TAS2R1: variants seen among roughly 807,000 people sequenced by gnomAD.
The protein encoded by TAS2R1 is taste 2 receptor member 1, also known as taste receptor type 2 member 1.
For synonymous variants in TAS2R1, 141 were observed against 134.2 expected, an observed-to-expected ratio of 1.05 and a Z score of -0.35; for missense variants, 370 against 353.4, an observed-to-expected ratio of 1.05 and a Z score of -0.38.
chr5:9,861,888 C>A, the TAS2R1 span, among the ~76,000 whole-genome samples: 1 of 152,188 alleles, frequency 6.6e-6, no homozygotes, highest in African/African-American at 2.4e-5. Context: ...GGCAGCCAGG[C>A]ATGAGGGGTC....
rs749900585 is a variant in TAS2R1, at chr5:9,629,666, A to G, written c.367T>C (p.Ser123Pro). The G allele has an allele frequency of 4.3e-6, 7 of 1,614,076 alleles. No individual in the cohort carries two copies. The highest frequency in any genetic ancestry group is 5.9e-6 in the Non-Finnish European group (7 of 1,180,048). Residue 123 changes from serine (S) to proline (P), a missense_variant, in exon 1 of 1, where the codon TCC (serine) becomes CCC (proline). Coordinates refer to ENST00000382492, the MANE Select transcript of TAS2R1 (RefSeq NM_019599.3). ...AGGATCATCCATGGGACCAGCTTGG[A>G]TATCCTCATCTTCAACCAGATGAAG... is the stretch of plus-strand genomic sequence containing the variant. ...PLFIWLKMRI[S>P]KLVPWMILGS... is the part of the protein sequence containing the mutation.
chr5:9,844,525 G>A, the TAS2R1 span, among the ~76,000 whole-genome samples: 1 of 152,106 alleles, frequency 6.6e-6, no homozygotes, highest in African/African-American at 2.4e-5. Flanking sequence ...TATTTAAACA[G>A]GATAAACCTC....
chr5:9,777,190 A>C, the TAS2R1 span, among the ~76,000 whole-genome samples: 4 of 152,330 alleles, frequency 2.6e-5, no homozygotes, highest in South Asian at 8.3e-4. Context: ...TCTTTCATGA[A>C]AGATTTCTCT....
chr5:9,893,653 T>A, the TAS2R1 span, among the ~76,000 whole-genome samples: 309 of 152,350 alleles, frequency 2.0e-3, 3 homozygotes, highest in African/African-American at 7.2e-3. Flanking sequence ...AATCTCCTTC[T>A]ACTTCAGTTC....
At chr5:9,784,823 A>C in the TAS2R1 span, among the ~76,000 whole-genome samples, 1 of 152,182 alleles carries the variant, frequency 6.6e-6, no homozygotes, top group Non-Finnish European at 1.5e-5. Context: ...GGCCATCTTC[A>C]TATAAGGACA....
the TAS2R1 span, among the ~76,000 whole-genome samples, chr5:9,798,233 G>A: frequency 3.3e-5 from 5 of 152,194 alleles, no homozygotes; most frequent in Non-Finnish European, 7.3e-5. Flanking sequence ...AGGGCTCCTA[G>A]GGTTGGGAAT....
At chr5:9,785,880 C>G in the TAS2R1 span, among the ~76,000 whole-genome samples, 2 of 152,322 alleles carry the variant, frequency 1.3e-5, no homozygotes, top group South Asian at 2.1e-4. Context: ...ATATGCTAGA[C>G]TTGGCTCTGG....
chr5:9,727,963 C>T, the TAS2R1 span, among the ~76,000 whole-genome samples: 6 of 152,156 alleles, frequency 3.9e-5, no homozygotes, highest in African/African-American at 1.4e-4. Context: ...GCCAGATCTA[C>T]AGATGAGCCA....
chr5:9,838,087 C>A, the TAS2R1 span, among the ~76,000 whole-genome samples: 6 of 152,116 alleles, frequency 3.9e-5, no homozygotes, highest in East Asian at 1.9e-4. Context: ...GACAACCCCC[C>A]CAGGGCAGGA....
At chr5:9,754,732 T>G in the TAS2R1 span, among the ~76,000 whole-genome samples, 2 of 152,060 alleles carry the variant, frequency 1.3e-5, no homozygotes, top group African/African-American at 2.4e-5. Flanking sequence ...CACTGCTCAA[T>G]GAAATAAAAG....
upstream of TAS2R1, among the ~76,000 whole-genome samples, chr5:9,633,319 T>TATAC (rs1475834697): frequency 1.5e-4 from 20 of 137,514 alleles, no homozygotes; most frequent in African/African-American, 5.6e-4. Flanking sequence ...TATATATATA[T>TATAC]ACACAAATGT....
At chr5:9,634,371 A>G (rs1483000913), upstream of TAS2R1, among the ~76,000 whole-genome samples, 1 of 151,958 alleles carries the variant, frequency 6.6e-6, no homozygotes, top group Non-Finnish European at 1.5e-5. Flanking sequence ...AAGTCAGGTT[A>G]TGTGATGCTT....
the TAS2R1 span, among the ~76,000 whole-genome samples, chr5:9,767,948 A>T: frequency 2.1e-5 from 3 of 145,738 alleles, no homozygotes; most frequent in South Asian, 6.6e-4. Context: ...AAAAAGCCAG[A>T]TTACATCACT....
At chr5:9,702,915 G>C (rs1741521711) in intron 1 of TAS2R1, among the ~76,000 whole-genome samples, 1 of 152,096 alleles carries the variant, frequency 6.6e-6, no homozygotes, top group Non-Finnish European at 1.5e-5. Flanking sequence ...TACAGGAAAG[G>C]AGGGGAAGGC....
the TAS2R1 span, among the ~76,000 whole-genome samples, chr5:9,756,722 A>AT: frequency 6.6e-6 from 1 of 152,056 alleles, no homozygotes; most frequent in African/African-American, 2.4e-5. Flanking sequence ...TTTTTATTTT[A>AT]TTTTTTCTAA....
At chr5:9,818,382 A>AC in the TAS2R1 span, among the ~76,000 whole-genome samples, 1 of 152,194 alleles carries the variant, frequency 6.6e-6, no homozygotes, top group East Asian at 1.9e-4. Context: ...GATTTTCTCT[A>AC]CCCTCTGTAG....
the TAS2R1 span, among the ~76,000 whole-genome samples, chr5:9,885,737 C>T: frequency 6.6e-6 from 1 of 152,008 alleles, no homozygotes; most frequent in Non-Finnish European, 1.5e-5. Context: ...GCCACTGAGT[C>T]AGAAAGTTGG....
intron 2 of TAS2R1, among the ~76,000 whole-genome samples, chr5:9,640,529 C>T (rs1740059810): frequency 2.6e-5 from 3 of 114,456 alleles, no homozygotes; most frequent in African/African-American, 1.0e-4. Flanking sequence ...AAAACAGTAC[C>T]TGTAAAGCAC....
chr5:9,798,889 G>A, the TAS2R1 span, among the ~76,000 whole-genome samples: 1 of 152,194 alleles, frequency 6.6e-6, no homozygotes, highest in African/African-American at 2.4e-5. Flanking sequence ...CAGAGGTATA[G>A]ACAGAGCATG....
Sources: allele counts gnomAD v4.1 joint callset (sites outside exome capture counted in the v4.1 genomes callset), GRCh38; gene constraint gnomAD v4.1.1; transcripts MANE v1.5; gene names NCBI Gene and HGNC (gene_info 2026-07-23, HGNC 2026-07-21).